ATP2C2: variants seen among roughly 807,000 people sequenced by gnomAD.
The protein encoded by ATP2C2 is ATPase secretory pathway Ca2+ transporting 2, also known as calcium-transporting ATPase type 2C member 2.
In ATP2C2, 171 loss-of-function variants were observed where a neutral mutation model predicts 110.8. The ratio of observed to expected loss-of-function variants is 1.54; its 90% CI spans 1.36 to 1.75. The LOEUF (loss-of-function observed/expected upper bound fraction) is 1.75. ATP2C2 is among the 40% of genes most tolerant of loss of function. ATP2C2 has a pLI of 0.00. For missense variants in ATP2C2, 1,963 were observed against 1,235.0 expected (o/e 1.59, Z -8.84); for synonymous variants, 804 against 508.4 (o/e 1.58, Z -7.82).
At chr16:84,463,374 G>C (rs1036750486) in intron 26 of ATP2C2, among the ~76,000 whole-genome samples, 3 of 152,150 alleles carry the variant, frequency 2.0e-5, no homozygotes, top group African/African-American at 7.2e-5. Flanking sequence ...CCAGCTGCCT[G>C]CCAGACCCAC....
At chr16:84,459,882 C>A in intron 23 of ATP2C2, 1 of 350,558 alleles carries the variant, frequency 2.9e-6, no homozygotes, top group South Asian at 2.9e-5. Context: ...AAGGGCTTGC[C>A]ACTCAGTAGG....
chr16:84,451,834 C>G (rs1166467500), intron 17 of ATP2C2, 87 bp from the exon 18 acceptor site: 9 of 1,350,456 alleles, frequency 6.7e-6, no homozygotes, highest in South Asian at 6.7e-5. Flanking sequence ...ACAAAACTCT[C>G]TTAAAAAACA....
intron 15 of ATP2C2, among the ~76,000 whole-genome samples, chr16:84,446,113 G>C (rs536508540): frequency 1.3e-5 from 2 of 151,578 alleles, no homozygotes; most frequent in Middle Eastern, 3.2e-3. Flanking sequence ...CTGTTGCAAA[G>C]ACCGTCTTGT....
chr16:84,387,477 A>G (rs1437000814), intron 1 of ATP2C2, among the ~76,000 whole-genome samples: 25 of 152,028 alleles, frequency 1.6e-4, no homozygotes, highest in Admixed American at 1.6e-3. Flanking sequence ...GCGCCATTGC[A>G]CTCCAGCCTG....
At chr16:84,431,567 TGAG>T (rs945429116) in intron 11 of ATP2C2, among the ~76,000 whole-genome samples, 8 of 150,548 alleles carry the variant, frequency 5.3e-5, no homozygotes, top group African/African-American at 2.0e-4. Context: ...GGTAGAGAGT[TGAG>T]GAGTCAGGAG....
In ATP2C2 at chr16:84,451,904, T is replaced by TC. The variant is rs769837711; in HGVS notation, c.1661-12dup. The TC allele has an allele frequency of 6.2e-7, 1 of 1,602,894 alleles. No individual in the cohort carries two copies. The highest frequency in any genetic ancestry group is 1.8e-5 in the Admixed American group (1 of 56,236). ...TAAGCCCCCGGTGACCCCTCCTTAC[T>TC]CCCCCTCTCTCCTCAGTGCTGGCCC... On this transcript the variant is annotated splice_polypyrimidine_tract_variant and intron_variant, in intron 17 of 26. Coordinates refer to ENST00000262429, the MANE Select transcript of ATP2C2 (RefSeq NM_014861.4).
At chr16:84,391,552 G>T (rs138821246) in intron 1 of ATP2C2, among the ~76,000 whole-genome samples, 121 of 152,338 alleles carry the variant, frequency 7.9e-4, no homozygotes, top group Non-Finnish European at 1.4e-3. Flanking sequence ...AAAGCAGACA[G>T]AGACGCTTGG....
chr16:84,379,391 C>A (rs548565293), intron 1 of ATP2C2, among the ~76,000 whole-genome samples: 1 of 152,276 alleles, frequency 6.6e-6, no homozygotes, highest in East Asian at 1.9e-4. Flanking sequence ...GTCTTGAACT[C>A]CTGGGCTCAA....
chr16:84,394,410 G>A (rs1327303000), intron 1 of ATP2C2, among the ~76,000 whole-genome samples: 1 of 152,016 alleles, frequency 6.6e-6, no homozygotes. Context: ...GAATTTGCCT[G>A]TCCCGGGCCT....
chr16:84,418,252 C>T (rs145155129), intron 7 of ATP2C2, among the ~76,000 whole-genome samples: 2 of 152,334 alleles, frequency 1.3e-5, no homozygotes, highest in African/African-American at 4.8e-5. Context: ...CCTCTGTCTT[C>T]AGGCTCGGCC....
intron 11 of ATP2C2, 29 bp from the exon 12 acceptor site, chr16:84,439,137 G>C (rs765221081): frequency 2.4e-5 from 38 of 1,611,506 alleles, no homozygotes; most frequent in Non-Finnish European, 3.0e-5. Context: ...AAATGTGTTA[G>C]AGGGGACTCA....
Position 84,410,583 on chromosome 16 carries a change from G to C in ATP2C2, c.433G>C (p.Val145Leu), listed in dbSNP as rs369709332. 64 of 1,613,946 alleles carry C rather than the reference G, an allele frequency of 4.0e-5. No individual in the cohort carries two copies. Among genetic ancestry groups the C allele is most frequent in the Non-Finnish European group, 5.3e-5 (63 of 1,180,002 alleles). The change falls in exon 5 of 27, where the codon GTC (valine) becomes CTC (leucine). Residue 145 changes from valine (V) to leucine (L), a missense_variant. Val to Leu is a conservative substitution (Grantham distance 32). Transcript: ENST00000262429. The part of the protein sequence containing the change: ...VSIATAVLVV[V>L]TVAFIQEYRS... The stretch of plus-strand genomic sequence containing the variant: ...TGCTGTCTAGGCAGTGCTTGTCGTG[G>C]TCACTGTCGCCTTCATCCAGGTGAG...
At chr16:84,458,581 G>C (rs909053740) in intron 21 of ATP2C2, among the ~76,000 whole-genome samples, 2 of 152,086 alleles carry the variant, frequency 1.3e-5, no homozygotes, top group Non-Finnish European at 2.9e-5. Context: ...TCTGGCGGTG[G>C]GGGCACCCAC....
In ATP2C2 at chr16:84,400,369, C is replaced by T. The variant is rs1407067984; in HGVS notation, c.210+1760C>T. 2.6e-5 allele frequency among the ~76,000 whole-genome samples: 4 copies of T among 151,230 alleles called. No individual in the cohort carries two copies. In the South Asian group the frequency reaches 6.3e-4, roughly 24 times the overall value. ...TGAGATGGAGTCTCACTCTGTCACC[C>T]AAGCTGGAGTGCGGTGGCGCGATCT... On this transcript the variant is annotated intron_variant, in intron 2 of 26. Coordinates refer to ENST00000262429, the MANE Select transcript of ATP2C2 (RefSeq NM_014861.4).
chr16:84,374,229 T>TA (rs60746979), intron 1 of ATP2C2, among the ~76,000 whole-genome samples: 51,026 of 152,050 alleles, frequency 0.34, 9,305 homozygotes, highest in East Asian at 0.47. Flanking sequence ...TCTTAGGCTT[T>TA]TCTCACCGAA....
chr16:84,441,847 A>C (rs7199286), intron 14 of ATP2C2, among the ~76,000 whole-genome samples: 28,525 of 152,050 alleles, frequency 0.19, 3,219 homozygotes, highest in East Asian at 0.53. Context: ...GCCTTGAACC[A>C]GGGAGGCAGA....
In ATP2C2 at chr16:84,459,258, T is replaced by A. The variant is rs769838752; in HGVS notation, c.2217-12T>A. ...GGCGGGCGGCCGCTGACTGGCTGCG[T>A]GTGCCCCGCAGGAGCATCTCCGCCC... On this transcript the variant is annotated splice_polypyrimidine_tract_variant and intron_variant, in intron 22 of 26. Coordinates refer to ENST00000262429, the MANE Select transcript of ATP2C2 (RefSeq NM_014861.4). 7.4e-6 allele frequency: 12 copies of A among 1,614,022 alleles called. No homozygotes were observed. In the East Asian group the frequency reaches 2.5e-4, roughly 33 times the overall value.
chr16:84,460,977 C>A, intron 24 of ATP2C2, 176 bp downstream of exon 24: 1 of 957,534 alleles, frequency 1.0e-6, no homozygotes, highest in South Asian at 2.1e-5. Flanking sequence ...GACTGGGTGA[C>A]CCTTGAAAGA....
At chr16:84,399,405 C>G (rs1259813922) in intron 2 of ATP2C2, among the ~76,000 whole-genome samples, 7 of 152,208 alleles carry the variant, frequency 4.6e-5, no homozygotes, top group Non-Finnish European at 1.0e-4. Flanking sequence ...TCAAAAGAAT[C>G]TAGAAATCAA....
Sources: allele counts gnomAD v4.1 joint callset (sites outside exome capture counted in the v4.1 genomes callset), GRCh38; gene constraint gnomAD v4.1.1; transcripts MANE v1.5; gene names NCBI Gene and HGNC (gene_info 2026-07-23, HGNC 2026-07-21).